Variants in DMXL2 observed in about 807,000 individuals in gnomAD.
The protein encoded by DMXL2 is Dmx like 2, also known as dmX-like protein 2.
DMXL2 carries 103 observed loss-of-function variants against 331.1 expected under a neutral mutation model. The ratio of observed to expected loss-of-function variants is 0.31; its 90% CI spans 0.27 to 0.37. The LOEUF is 0.37. Among genes scored for constraint, DMXL2 ranks in the 10% least tolerant of loss-of-function variants. The probability of loss-of-function intolerance (pLI) is 1.00; values close to 1 mark genes in which losing one functional copy is unlikely to be tolerated. For missense variants in DMXL2, 3,171 were observed against 3,642.9 expected (o/e 0.87, Z 3.33); for synonymous variants, 1,281 against 1,252.1 (o/e 1.02, Z -0.49).
chr15:51,606,758 T>A (rs2141364051), intron 1 of DMXL2, among the ~76,000 whole-genome samples: 1 of 152,258 alleles, frequency 6.6e-6, no homozygotes, highest in African/African-American at 2.4e-5. Context: ...CAACCAAAAC[T>A]AAGAACTTAC....
intron 1 of DMXL2, among the ~76,000 whole-genome samples, chr15:51,602,922 G>C (rs1305283413): frequency 6.6e-6 from 1 of 152,082 alleles, no homozygotes; most frequent in Non-Finnish European, 1.5e-5. Context: ...CTCATATAAA[G>C]AACTAAGAAA....
chr15:51,480,185 T>G (rs1369994160), intron 24 of DMXL2, 46 bp from the exon 25 acceptor site: 15 of 1,452,394 alleles, frequency 1.0e-5, no homozygotes, highest in African/African-American at 5.7e-5. Context: ...TTTAAAAAAT[T>G]TTATCAGTTC....
rs78103226 is a variant in DMXL2 at position 51,576,720 on chromosome 15, A to T, written c.88-539T>A. Among the ~76,000 whole-genome samples, 781 of 152,338 alleles carry T rather than the reference A, an allele frequency of 5.1e-3. 7 individuals carry two copies. The highest frequency in any genetic ancestry group is 0.017 in the African/African-American group (721 of 41,574). ...GCAATGGCTAAACTTAAATGCATCA[A>T]GACTCAAATGAATCCACAACGCAGC... On this transcript the variant is annotated intron_variant, in intron 1 of 43. Coordinates refer to ENST00000560891, the MANE Select transcript of DMXL2 (RefSeq NM_001378457.1).
At chr15:51,590,903 T>C (rs1004059866) in intron 1 of DMXL2, among the ~76,000 whole-genome samples, 6 of 152,128 alleles carry the variant, frequency 3.9e-5, no homozygotes, top group Non-Finnish European at 8.8e-5. Flanking sequence ...TGTATTTTTT[T>C]AATTTGTAAA....
chr15:51,545,811 C>T lies in DMXL2; in HGVS notation c.747-45G>A, dbSNP rs749013474. ...AATAAAGGTTAATGTGAATATCAAT[C>T]CCATTAACTAATTAATATTTTGGTT... On this transcript the variant is annotated intron_variant, in intron 7 of 43. Transcript: ENST00000560891. 1.1e-5 allele frequency: 16 copies of T among 1,509,892 alleles called. No individual in the cohort carries two copies. The African/African-American group carries it at 2.2e-4, about 21-fold the overall frequency. 93.5% of individuals were successfully genotyped at this position (1,509,892 alleles called of 1,614,324 possible).
chr15:51,586,121 T>C (rs755852871), intron 1 of DMXL2, among the ~76,000 whole-genome samples: 16 of 151,984 alleles, frequency 1.1e-4, no homozygotes, highest in African/African-American at 3.6e-4. Flanking sequence ...GCAAAATAAA[T>C]ACATGAAAAA....
At chr15:51,522,743 T>A (rs2047448864) in intron 13 of DMXL2, among the ~76,000 whole-genome samples, 1 of 152,224 alleles carries the variant, frequency 6.6e-6, no homozygotes, top group South Asian at 2.1e-4. Flanking sequence ...CAAATTTAAC[T>A]CATTGTAAAT....
intron 3 of DMXL2, chr15:51,567,734 T>C (rs976533457): frequency 2.6e-5 from 4 of 152,282 alleles, no homozygotes; most frequent in African/African-American, 7.2e-5. Flanking sequence ...GTAACTGTGC[T>C]ACTGAGTAGA....
At chr15:51,622,153 C>T (rs1276945997) in intron 1 of DMXL2, among the ~76,000 whole-genome samples, 1 of 152,248 alleles carries the variant, frequency 6.6e-6, no homozygotes, top group African/African-American at 2.4e-5. Context: ...CTTTCCTCCA[C>T]CGCAGACCGA....
chr15:51,511,704 G>C (rs1396524590), intron 15 of DMXL2, among the ~76,000 whole-genome samples: 2 of 152,154 alleles, frequency 1.3e-5, no homozygotes, highest in African/African-American at 4.8e-5. Context: ...ATACCCAAAG[G>C]ATTATAAATC....
In DMXL2 at chr15:51,498,541, A is replaced by G. The variant is rs1375638686; in HGVS notation, c.4672+11T>C. 4 of 1,591,928 alleles carry G rather than the reference A, an allele frequency of 2.5e-6. No homozygotes were observed. Among genetic ancestry groups the G allele is most frequent in the Non-Finnish European group, 1.7e-6 (2 of 1,170,680 alleles). ...GGTACAACTTTATAAATTTTTAGCG[A>G]GAATATTTACCTGAGCAACTCTTAT... On this transcript the variant is annotated intron_variant, in intron 18 of 43. Transcript: ENST00000560891.
chr15:51,605,688 C>T lies in DMXL2; in HGVS notation c.87+16771G>A, dbSNP rs1255923029. ...CCTCCCCAGTAGCTGGGACTACAGG[C>T]GCCCGCCACCGCGCCCGGCTAATAT... On this transcript the variant is annotated intron_variant, in intron 1 of 43. Coordinates refer to ENST00000560891, the MANE Select transcript of DMXL2 (RefSeq NM_001378457.1). 7.9e-5 allele frequency among the ~76,000 whole-genome samples: 8 copies of T among 101,140 alleles called. 2 individuals are homozygous for T. The highest frequency in any genetic ancestry group is 2.1e-4 in the Admixed American group (2 of 9,520). 66.4% of individuals were successfully genotyped at this position (101,140 alleles called of 152,430 possible).
At chr15:51,552,152 G>C (rs2049262258) in intron 6 of DMXL2, among the ~76,000 whole-genome samples, 1 of 152,226 alleles carries the variant, frequency 6.6e-6, no homozygotes. Context: ...AGGTGGGAAT[G>C]AAGCTGGAGA....
In DMXL2 at chr15:51,566,014, C is replaced by T. The variant is rs533030835; in HGVS notation, c.286-848G>A. Among the ~76,000 whole-genome samples, 12 of 152,188 alleles carry T rather than the reference C, an allele frequency of 7.9e-5. 1 individual carries two copies. In the South Asian group the frequency reaches 2.5e-3, roughly 32 times the overall value. On this transcript the variant is annotated intron_variant, in intron 3 of 43. Transcript: ENST00000560891. ...CTTAAGGCCAGGAATTTGAAACCAGCCTGGGCAACATTGCAAGACCCCCAT... is the reference window on the plus strand; with the variant it reads ...CTTAAGGCCAGGAATTTGAAACCAGTCTGGGCAACATTGCAAGACCCCCAT...
rs761078806 is a variant in DMXL2, at chr15:51,471,399, G to A, written c.7216C>T (p.Pro2406Ser). The A allele has an allele frequency of 2.5e-6, 4 of 1,586,390 alleles. No homozygotes were observed. In the South Asian group the frequency reaches 3.5e-5, roughly 14 times the overall value. ...PRRQSENISAPPVLSEDIDKH... is the reference protein window; with the variant it reads ...PRRQSENISASPVLSEDIDKH... ...TCTATGTCTTCAGAAAGGACAGGAG[G>A]TGCTAAATGAAGATAGAAGGAAAAA... The change falls in exon 29 of 44, where the codon CCT (proline) becomes TCT (serine). Residue 2406 changes from proline (P) to serine (S), a missense_variant and splice_region_variant. Around this residue, in one of 7 missense-constraint regions of DMXL2, gnomAD observed 766 missense variants for 940.5 expected, o/e 0.81. Coordinates refer to ENST00000560891, the MANE Select transcript of DMXL2 (RefSeq NM_001378457.1).
chr15:51,533,633 T>C (rs958910265), intron 13 of DMXL2, among the ~76,000 whole-genome samples: 1 of 152,244 alleles, frequency 6.6e-6, no homozygotes, highest in Non-Finnish European at 1.5e-5. Flanking sequence ...ACATTACACC[T>C]ATCATATATT....
intron 27 of DMXL2, among the ~76,000 whole-genome samples, chr15:51,474,988 ACT>A (rs2041446407): frequency 6.6e-6 from 1 of 152,132 alleles, no homozygotes; most frequent in African/African-American, 2.4e-5. Flanking sequence ...TCTCAAACTA[ACT>A]CTTCACAAGA....
chr15:51,523,079 G>T (rs2047468615), intron 13 of DMXL2, among the ~76,000 whole-genome samples: 1 of 152,082 alleles, frequency 6.6e-6, no homozygotes, highest in Non-Finnish European at 1.5e-5. Context: ...TTTTTAAAAA[G>T]CTAGCCTTTA....
chr15:51,594,789 T>C (rs909511344), intron 1 of DMXL2, among the ~76,000 whole-genome samples: 25 of 152,184 alleles, frequency 1.6e-4, no homozygotes, highest in Non-Finnish European at 3.2e-4. Context: ...TAATCCAGCA[T>C]ATAAACAGAA....
Sources: allele counts gnomAD v4.1 joint callset (sites outside exome capture counted in the v4.1 genomes callset), GRCh38; gene constraint gnomAD v4.1.1; regional missense constraint gnomAD v4.1.1; transcripts MANE v1.5; gene names NCBI Gene and HGNC (gene_info 2026-07-23, HGNC 2026-07-21).